ENOSF1: variants seen among roughly 807,000 people sequenced by gnomAD.
ENOSF1 encodes mitochondrial enolase superfamily member 1.
ENOSF1 carries 73 observed loss-of-function variants against 68.2 expected under a neutral mutation model. That is an observed-to-expected ratio of 1.07 (90% CI 0.89 to 1.30). The LOEUF is 1.30. Among genes scored for constraint, ENOSF1 ranks in the 50% most tolerant of loss-of-function variants. The probability of loss-of-function intolerance (pLI) is 0.00; values close to 1 mark genes in which losing one functional copy is unlikely to be tolerated. For synonymous variants in ENOSF1, 223 were observed against 210.4 expected (o/e 1.06, Z -0.52); for missense variants, 589 against 554.5 (o/e 1.06, Z -0.62).
chr18:673,587 G>T lies in ENOSF1; in HGVS notation c.*718C>A, dbSNP rs772178398. The T allele has an allele frequency of 5.6e-6, 1 of 179,404 alleles. No individual in the cohort carries two copies. The highest frequency in any genetic ancestry group is 2.4e-5 in the African/African-American group (1 of 42,306). The allele number at this position is 179,404 out of a possible 1,614,324, so 11.1% of individuals were successfully genotyped here. A position where few individuals can be genotyped will look rare whatever the true frequency, so the allele number is the denominator to read the frequency against. On this transcript the variant is annotated 3_prime_UTR_variant, in exon 16 of 16. Coordinates refer to ENST00000647584, the MANE Select transcript of ENOSF1 (RefSeq NM_017512.7). ...AACTCTCCTTAAGTAAACATGTGCT[G>T]TATTCTGGTTTGGATGCTACTTAAA...
At chr18:708,442 A>T (rs2079169478) in intron 1 of ENOSF1, among the ~76,000 whole-genome samples, 2 of 152,136 alleles carry the variant, frequency 1.3e-5, no homozygotes, top group Admixed American at 1.3e-4. Context: ...AGGCCAAGAC[A>T]GGAGGATTGT....
chr18:689,014 G>A (rs1342136469), intron 8 of ENOSF1, among the ~76,000 whole-genome samples: 2 of 152,142 alleles, frequency 1.3e-5, no homozygotes, highest in Non-Finnish European at 2.9e-5. Flanking sequence ...ACCATGTGCC[G>A]ACTGCATGCC....
downstream of ENOSF1, chr18:669,366 ATTTTTTTTTTTT>A (rs68090938): frequency 1.0e-5 from 2 of 190,606 alleles, no homozygotes; most frequent in East Asian, 1.5e-4. Flanking sequence ...GGCCCAGAGG[ATTTTTTTTTTTT>A]TTTTTTTTTT....
At chr18:683,442 G>C (rs898079909) in intron 10 of ENOSF1, 62 bp from the exon 11 acceptor site, 6 of 1,585,824 alleles carry the variant, frequency 3.8e-6, no homozygotes, top group Non-Finnish European at 3.4e-6. Flanking sequence ...CAGGGCTGCG[G>C]CTCCCAGGGA....
Position 674,244 on chromosome 18 carries a change from A to G in ENOSF1, c.*61T>C. 1.7e-6 allele frequency: 2 copies of G among 1,191,488 alleles called. No homozygotes were observed. Among genetic ancestry groups the G allele is most frequent in the Non-Finnish European group, 2.4e-6 (2 of 826,168 alleles). The allele number at this position is 1,191,488 out of a possible 1,614,324, so 73.8% of individuals were successfully genotyped here. A position where few individuals can be genotyped will look rare whatever the true frequency, so the allele number is the denominator to read the frequency against. On this transcript the variant is annotated 3_prime_UTR_variant, in exon 16 of 16. Transcript: ENST00000647584. Reference sequence around the variant, plus strand: ...TTTTTAAATCCATTTTTGTAAAACTATTTCCAAGAAATTTTAAGCCCTTTC... The same window carrying G: ...TTTTTAAATCCATTTTTGTAAAACTGTTTCCAAGAAATTTTAAGCCCTTTC...
At chr18:667,173 T>C (rs796868916), downstream of ENOSF1, among the ~76,000 whole-genome samples, 1 of 67,318 alleles carries the variant, frequency 1.5e-5, no homozygotes. Flanking sequence ...ATGGTGATGG[T>C]GATGGTGATG....
intron 2 of ENOSF1, among the ~76,000 whole-genome samples, chr18:703,173 G>A (rs547439706): frequency 6.6e-6 from 1 of 152,302 alleles, no homozygotes; most frequent in South Asian, 2.1e-4. Context: ...AGAGATGGAA[G>A]TTGATTTATC....
intron 3 of ENOSF1, among the ~76,000 whole-genome samples, chr18:696,815 A>T (rs371373110): frequency 7.2e-5 from 11 of 152,124 alleles, no homozygotes; most frequent in Admixed American, 6.5e-4. Flanking sequence ...TTTTACTTTA[A>T]AATTATAAAC....
At chr18:684,287 A>G (rs9965487) in intron 10 of ENOSF1, among the ~76,000 whole-genome samples, 36,315 of 151,862 alleles carry the variant, frequency 0.24, 4,385 homozygotes, top group Admixed American at 0.29. Context: ...GAGCCACTGC[A>G]TCTGGCCCAG....
At chr18:694,942 GTA>G (rs1282065895) in intron 3 of ENOSF1, among the ~76,000 whole-genome samples, 1 of 152,082 alleles carries the variant, frequency 6.6e-6, no homozygotes, top group Non-Finnish European at 1.5e-5. Flanking sequence ...ATACATCAGT[GTA>G]TAGTTCCTGA....
In ENOSF1 at chr18:706,492, A is replaced by G. The variant is rs376969181; in HGVS notation, c.171T>C (p.Thr57=). 4 of 1,613,550 alleles carry G rather than the reference A, an allele frequency of 2.5e-6. No individual in the cohort carries two copies. In the African/African-American group the frequency reaches 4.0e-5, roughly 16 times the overall value. The change falls in exon 2 of 16, where the codon ACT becomes ACC. Residue 57 remains threonine (T), a synonymous_variant. Coordinates refer to ENST00000647584, the MANE Select transcript of ENOSF1 (RefSeq NM_017512.7). ...CACCAACTTCAGTGCCTTTTCCCAGAGTGAAGGTAATTCCACACCCCTTGA... is the reference window on the plus strand; with the variant it reads ...CACCAACTTCAGTGCCTTTTCCCAGGGTGAAGGTAATTCCACACCCCTTGA... ...DGIKGCGITF[T]LGKGTEVVVC...
chr18:710,800 CTT>C (rs1393677482), intron 1 of ENOSF1, among the ~76,000 whole-genome samples: 4 of 152,240 alleles, frequency 2.6e-5, no homozygotes, highest in Admixed American at 6.5e-5. Context: ...GATTGTGTGA[CTT>C]AGCCACAGCT....
At chr18:693,053 C>T in intron 5 of ENOSF1, 1 of 1,281,946 alleles carries the variant, frequency 7.8e-7, no homozygotes. Context: ...AAGTCACATG[C>T]TCAAGGTCAT....
intron 9 of ENOSF1, chr18:687,661 A>G (rs2076739848): frequency 6.6e-6 from 1 of 152,384 alleles, no homozygotes; most frequent in South Asian, 2.1e-4. Context: ...AGGGTCATCA[A>G]CCATCGAGGT....
chr18:677,642 A>C (rs2075649033), intron 13 of ENOSF1, 101 bp downstream of exon 13: 2 of 1,471,088 alleles, frequency 1.4e-6, no homozygotes, highest in Admixed American at 2.3e-5. Flanking sequence ...TCGAAATGGC[A>C]AACTACAGAC....
Position 670,968 on chromosome 18 carries a change from T to G in ENOSF1, c.*3337A>C. 7.2e-7 allele frequency: 1 copy of G among 1,385,004 alleles called. No homozygotes were observed. The highest frequency in any genetic ancestry group is 2.4e-5 in the East Asian group (1 of 42,048). 85.8% of individuals were successfully genotyped at this position (1,385,004 alleles called of 1,614,324 possible). A position where few individuals can be genotyped will look rare whatever the true frequency, so the allele number is the denominator to read the frequency against. On this transcript the variant is annotated 3_prime_UTR_variant, in exon 16 of 16. Transcript: ENST00000647584. ...TTGCAGAGTTTAGTCTCTGATTAGC[T>G]TTTAAATTTGATATGTGTAAGTAAG... is the stretch of plus-strand genomic sequence containing the variant.
intron 1 of ENOSF1, among the ~76,000 whole-genome samples, chr18:708,929 C>T (rs144841353): frequency 1.2e-3 from 176 of 152,174 alleles, no homozygotes; most frequent in African/African-American, 4.0e-3. Context: ...TTCTGGGTTC[C>T]AAGAAGAGGA....
At chr18:668,062 A>T (rs570099154), downstream of ENOSF1, among the ~76,000 whole-genome samples, 19 of 140,060 alleles carry the variant, frequency 1.4e-4, no homozygotes, top group South Asian at 4.6e-4. Flanking sequence ...CCCAGTGATA[A>T]TATCTTGGGT....
Position 673,123 on chromosome 18 carries a change from GTTA to G in ENOSF1, c.*1179_*1181del. ...TCAAAAATCTGTCCGTGACCTATCA[GTTA>G]TTAATTTTTAAGGATGTTGCCACTG... On this transcript the variant is annotated 3_prime_UTR_variant, in exon 16 of 16. Transcript: ENST00000647584. The G allele has an allele frequency of 9.2e-7, 1 of 1,081,868 alleles. No individual in the cohort carries two copies. The highest frequency in any genetic ancestry group is 1.3e-6 in the Non-Finnish European group (1 of 788,042). 67.0% of individuals were successfully genotyped at this position (1,081,868 alleles called of 1,614,324 possible).
Sources: allele counts gnomAD v4.1 joint callset (sites outside exome capture counted in the v4.1 genomes callset), GRCh38; gene constraint gnomAD v4.1.1; transcripts MANE v1.5; gene names NCBI Gene and HGNC (gene_info 2026-07-23, HGNC 2026-07-21).